SUDS3: variants seen among roughly 807,000 people sequenced by gnomAD.
The protein encoded by SUDS3 is SIN3A corepressor complex component SDS3, also known as sin3 histone deacetylase corepressor complex component SDS3.
Under a neutral mutation model 53.5 loss-of-function variants are expected in SUDS3, and 23 were observed. The observed-to-expected ratio is 0.43, with a 90% CI of 0.31 to 0.61. The LOEUF (loss-of-function observed/expected upper bound fraction) is 0.61, where lower values mean the gene tolerates loss of function less well. Among genes scored for constraint, SUDS3 ranks in the 20% least tolerant of loss-of-function variants. The pLI is 0.10. For synonymous variants in SUDS3, 150 were observed against 148.5 expected (o/e 1.01, Z -0.08); for missense variants, 291 against 405.9 (o/e 0.72, Z 2.43).
chr12:118,385,315 G>A (rs559203475), intron 3 of SUDS3, among the ~76,000 whole-genome samples: 31 of 152,186 alleles, frequency 2.0e-4, no homozygotes, highest in African/African-American at 7.2e-4. Context: ...CACCACATTG[G>A]CCAGGCTGGT....
At position 118,415,750 on chromosome 12, in the gene SUDS3, G is replaced by A. The variant is rs2046394877; in HGVS notation, c.*1317G>A. 6.6e-6 allele frequency: 1 copy of A among 151,896 alleles called. No individual in the cohort carries two copies. The allele number at this position is 151,896 out of a possible 1,614,324, so 9.4% of individuals were successfully genotyped here. On this transcript the variant is annotated 3_prime_UTR_variant, in exon 12 of 12. Coordinates refer to ENST00000543473, the MANE Select transcript of SUDS3 (RefSeq NM_022491.3). ...TTTGGTCTCAAGTGATTCTCTTCAT[G>A]TTGTCTCTTGATGTACATACCCCCA...
intron 10 of SUDS3, among the ~76,000 whole-genome samples, chr12:118,408,638 CAT>C (rs916929160): frequency 2.0e-4 from 30 of 152,002 alleles, no homozygotes; most frequent in Non-Finnish European, 2.9e-4. Context: ...CCAGCTGTAA[CAT>C]GTGTATGTTT....
chr12:118,410,399 T>A (rs2046347297), intron 10 of SUDS3, among the ~76,000 whole-genome samples: 1 of 152,134 alleles, frequency 6.6e-6, no homozygotes, highest in African/African-American at 2.4e-5. Context: ...AATTTTTAAT[T>A]TACTTTTTGA....
Position 118,415,142 on chromosome 12 carries a change from A to AGG in SUDS3, c.*710_*711dup, listed in dbSNP as rs1226747359. ...CCATATTTTAAATGTTATTTAATGC[A>AGG]GGTGATTTATTCAAACATTTGTTCT... On this transcript the variant is annotated 3_prime_UTR_variant, in exon 12 of 12. Transcript: ENST00000543473. The AGG allele has an allele frequency of 6.6e-6, 1 of 152,234 alleles. No homozygotes were observed. The highest frequency in any genetic ancestry group is 1.9e-4 in the East Asian group (1 of 5,200). 9.4% of individuals were successfully genotyped at this position (152,234 alleles called of 1,614,324 possible).
Position 118,386,137 on chromosome 12 carries a change from A to G in SUDS3, c.292A>G (p.Arg98Gly). 1 of 1,601,012 alleles carries G rather than the reference A, an allele frequency of 6.2e-7. No individual in the cohort carries two copies. The highest frequency in any genetic ancestry group is 8.5e-7 in the Non-Finnish European group (1 of 1,173,410). Residue 98 changes from arginine (R) to glycine (G), a missense_variant, in exon 4 of 12, where the codon AGA becomes GGA. Around this residue, in one of 4 missense-constraint regions of SUDS3, gnomAD observed 149 missense variants for 146.5 expected, o/e 1.02. Coordinates refer to ENST00000543473, the MANE Select transcript of SUDS3 (RefSeq NM_022491.3). ...QEGTLQEYQK[R>G]MKKLDQQYKE... ...AGGTACATTACAGGAATATCAGAAG[A>G]GAATGAAAAAACTAGATCAGCAGTA... is the stretch of plus-strand genomic sequence containing the variant.
At chr12:118,403,078 G>T (rs1176218297) in intron 9 of SUDS3, among the ~76,000 whole-genome samples, 1 of 152,164 alleles carries the variant, frequency 6.6e-6, no homozygotes, top group Non-Finnish European at 1.5e-5. Context: ...GCATTTTTAA[G>T]AGATTTTCAT....
At chr12:118,401,403 T>A (rs2046261266) in intron 7 of SUDS3, among the ~76,000 whole-genome samples, 1 of 152,234 alleles carries the variant, frequency 6.6e-6, no homozygotes, top group Non-Finnish European at 1.5e-5. Context: ...GAGGGAAGAT[T>A]GGCCTTACCT....
chr12:118,379,898 G>A (rs2046039445), intron 1 of SUDS3, among the ~76,000 whole-genome samples: 1 of 152,160 alleles, frequency 6.6e-6, no homozygotes, highest in Admixed American at 6.5e-5. Flanking sequence ...TATCTATGGG[G>A]GACTGGTTCC....
intron 1 of SUDS3, among the ~76,000 whole-genome samples, chr12:118,379,235 G>C (rs973235960): frequency 6.6e-6 from 1 of 150,956 alleles, no homozygotes; most frequent in African/African-American, 2.4e-5. Flanking sequence ...CCAGGAGTTC[G>C]AGACCAGCCT....
chr12:118,410,819 G>C (rs1358260381), intron 10 of SUDS3, among the ~76,000 whole-genome samples: 1 of 151,892 alleles, frequency 6.6e-6, no homozygotes, highest in Non-Finnish European at 1.5e-5. Flanking sequence ...GGATGGTCTT[G>C]ATCTCCTGAC....
chr12:118,402,909 T>C (rs988973396), intron 9 of SUDS3, among the ~76,000 whole-genome samples: 1 of 152,178 alleles, frequency 6.6e-6, no homozygotes, highest in Middle Eastern at 3.4e-3. Flanking sequence ...AACAGGCATG[T>C]GCCACCACAC....
intron 1 of SUDS3, among the ~76,000 whole-genome samples, chr12:118,377,227 C>T (rs114111142): frequency 0.011 from 1,730 of 152,096 alleles, 41 homozygotes; most frequent in African/African-American, 0.04. Flanking sequence ...CTCCCCACCC[C>T]CGAAATGCAT....
chr12:118,378,113 T>G (rs1194065737), intron 1 of SUDS3, among the ~76,000 whole-genome samples: 6 of 151,962 alleles, frequency 3.9e-5, no homozygotes, highest in Admixed American at 3.3e-4. Flanking sequence ...AATTGAGTTT[T>G]TTTTTCCTTC....
chr12:118,381,905 T>G (rs557972858), intron 2 of SUDS3, among the ~76,000 whole-genome samples: 11 of 152,376 alleles, frequency 7.2e-5, no homozygotes, highest in Non-Finnish European at 1.3e-4. Context: ...TTTAACAGGA[T>G]GATCCACATT....
chr12:118,404,100 A>T (rs532112111), intron 10 of SUDS3: 12 of 152,354 alleles, frequency 7.9e-5, no homozygotes, highest in African/African-American at 2.6e-4. Flanking sequence ...ACTGTATCCT[A>T]AAACATTCCT....
intron 8 of SUDS3, 40 bp from the exon 9 acceptor site, chr12:118,401,943 T>G (rs1031801641): frequency 1.2e-6 from 2 of 1,613,538 alleles, no homozygotes; most frequent in Non-Finnish European, 1.7e-6. Flanking sequence ...GCACCTGAAA[T>G]GATTTTCTCT....
intron 6 of SUDS3, among the ~76,000 whole-genome samples, chr12:118,400,089 G>A (rs2046250863): frequency 6.6e-6 from 1 of 152,094 alleles, no homozygotes; most frequent in African/African-American, 2.4e-5. Context: ...AGAAGGGAAA[G>A]AGGCTTTTAT....
intron 6 of SUDS3, among the ~76,000 whole-genome samples, 151 bp downstream of exon 6, chr12:118,391,433 A>G (rs558525353): frequency 3.9e-5 from 6 of 152,124 alleles, no homozygotes; most frequent in African/African-American, 1.2e-4. Flanking sequence ...TCCACCTTCT[A>G]TTGGCTGTGT....
intron 11 of SUDS3, among the ~76,000 whole-genome samples, chr12:118,411,454 C>G (rs1356067625): frequency 1.3e-5 from 2 of 152,090 alleles, no homozygotes; most frequent in Non-Finnish European, 2.9e-5. Context: ...GAACAAAAAG[C>G]AAGTCTGTGT....
Sources: allele counts gnomAD v4.1 joint callset (sites outside exome capture counted in the v4.1 genomes callset), GRCh38; gene constraint gnomAD v4.1.1; regional missense constraint gnomAD v4.1.1; transcripts MANE v1.5; gene names NCBI Gene and HGNC (gene_info 2026-07-23, HGNC 2026-07-21).